PRKAA2: variants seen among roughly 807,000 people sequenced by gnomAD.
PRKAA2 encodes the protein protein kinase AMP-activated catalytic subunit alpha 2.
PRKAA2 carries 40 observed loss-of-function variants against 56.3 expected under a neutral mutation model. The ratio of observed to expected loss-of-function variants is 0.71; its 90% CI spans 0.55 to 0.92. PRKAA2 has a LOEUF of 0.92. PRKAA2 is among the 40% of genes least tolerant of loss of function. The pLI is 0.00. For missense variants in PRKAA2, 542 were observed against 686.9 expected (o/e 0.79, Z 2.36); for synonymous variants, 214 against 234.2 (o/e 0.91, Z 0.79).
intron 1 of PRKAA2, among the ~76,000 whole-genome samples, chr1:56,659,894 A>G (rs1457756331): frequency 6.6e-6 from 1 of 152,170 alleles, no homozygotes; most frequent in Non-Finnish European, 1.5e-5. Flanking sequence ...TGTGACAAAG[A>G]GAGACCCTGT....
intron 1 of PRKAA2, among the ~76,000 whole-genome samples, chr1:56,660,606 C>T (rs1431548471): frequency 3.9e-5 from 6 of 152,118 alleles, no homozygotes; most frequent in Admixed American, 3.3e-4. Context: ...TAATGCTTAT[C>T]CTCTTAAGCA....
rs981407184 is a variant in PRKAA2 at position 56,711,719 on chromosome 1, A to T, written c.*4006A>T. 6.6e-6 allele frequency: 1 copy of T among 152,172 alleles called. No homozygotes were observed. Among genetic ancestry groups the T allele is most frequent in the African/African-American group, 2.4e-5 (1 of 41,458 alleles). 9.4% of individuals were successfully genotyped at this position (152,172 alleles called of 1,614,324 possible). On this transcript the variant is annotated 3_prime_UTR_variant, in exon 9 of 9. Transcript: ENST00000371244. Reference sequence around the variant, plus strand: ...TATGTGCAATCTGTTGGTAAGTCACATCCTATGTTTGGCCTCATTTTTATA... The same window carrying T: ...TATGTGCAATCTGTTGGTAAGTCACTTCCTATGTTTGGCCTCATTTTTATA...
intron 1 of PRKAA2, among the ~76,000 whole-genome samples, chr1:56,669,971 T>C (rs181863457): frequency 3.3e-5 from 5 of 152,264 alleles, no homozygotes; most frequent in Admixed American, 3.3e-4. Flanking sequence ...AAGGCATAGT[T>C]CGGGTGAGTG....
intron 1 of PRKAA2, among the ~76,000 whole-genome samples, chr1:56,650,243 T>G (rs1277144017): frequency 6.6e-6 from 1 of 152,238 alleles, no homozygotes; most frequent in African/African-American, 2.4e-5. Context: ...ATGGAAATCT[T>G]TGTATTTGTT....
intron 2 of PRKAA2, among the ~76,000 whole-genome samples, chr1:56,680,373 T>C (rs1644144789): frequency 6.6e-6 from 1 of 152,148 alleles, no homozygotes; most frequent in South Asian, 2.1e-4. Flanking sequence ...ATTTTTTTTA[T>C]TATACTTTAA....
intron 3 of PRKAA2, among the ~76,000 whole-genome samples, chr1:56,692,013 A>G (rs1047854543): frequency 1.3e-5 from 2 of 150,854 alleles, no homozygotes; most frequent in African/African-American, 4.9e-5. Context: ...AACTCTTGTC[A>G]AATAGATGTC....
At chr1:56,699,106 G>C (rs1457687359) in intron 6 of PRKAA2, among the ~76,000 whole-genome samples, 1 of 152,154 alleles carries the variant, frequency 6.6e-6, no homozygotes, top group East Asian at 1.9e-4. Flanking sequence ...TGCCATTTAA[G>C]TAGGTCTGAA....
At position 56,645,557 on chromosome 1, in the gene PRKAA2, G is replaced by A. The variant is rs1646633318; in HGVS notation, c.94+76G>A. ...GCCGAGGGGAGAGGCGGGAGCCCCGGGCCTCCGGCGGGCGCGGGGCTCGGC... is the reference window on the plus strand; with the variant it reads ...GCCGAGGGGAGAGGCGGGAGCCCCGAGCCTCCGGCGGGCGCGGGGCTCGGC... On this transcript the variant is annotated intron_variant, in intron 1 of 8. Coordinates refer to ENST00000371244, the MANE Select transcript of PRKAA2 (RefSeq NM_006252.4). The A allele has an allele frequency of 9.8e-6, 13 of 1,324,776 alleles. No individual in the cohort carries two copies. In the South Asian group the frequency reaches 1.8e-4, roughly 19 times the overall value. The allele number at this position is 1,324,776 out of a possible 1,614,324, so 82.1% of individuals were successfully genotyped here.
At chr1:56,701,753 G>C (rs941745271) in intron 6 of PRKAA2, among the ~76,000 whole-genome samples, 6 of 152,040 alleles carry the variant, frequency 3.9e-5, no homozygotes, top group Admixed American at 6.5e-5. Flanking sequence ...AATTAGCTGG[G>C]CATGGTGGCA....
chr1:56,659,796 G>A (rs557583523), intron 1 of PRKAA2, among the ~76,000 whole-genome samples: 7 of 152,066 alleles, frequency 4.6e-5, no homozygotes, highest in African/African-American at 1.7e-4. Flanking sequence ...TAGTCCCAGC[G>A]ACTTGGGGAA....
chr1:56,695,976 T>G lies in PRKAA2; in HGVS notation c.605T>G (p.Val202Gly). ...GAAGTTGATATCTGGAGCTGTGGTG[T>G]TATCTTGTATGCTCTTCTTTGTGGC... ...GPEVDIWSCG[V>G]ILYALLCGTL... The change falls in exon 6 of 9, where the codon GTT (valine) becomes GGT (glycine). Residue 202 changes from valine (V) to glycine (G), a missense_variant. Physicochemically the swap from Val to Gly is moderately radical, Grantham distance 109. Transcript: ENST00000371244. The G allele has an allele frequency of 6.2e-7, 1 of 1,612,272 alleles. No homozygotes were observed. Among genetic ancestry groups the G allele is most frequent in the Non-Finnish European group, 8.5e-7 (1 of 1,179,700 alleles).
At chr1:56,661,001 T>C (rs1450389708) in intron 1 of PRKAA2, among the ~76,000 whole-genome samples, 1 of 152,090 alleles carries the variant, frequency 6.6e-6, no homozygotes, top group Non-Finnish European at 1.5e-5. Context: ...AGGAGCGTTG[T>C]GTTGTTTTGG....
intron 1 of PRKAA2, among the ~76,000 whole-genome samples, chr1:56,668,535 C>A (rs1342623479): frequency 3.3e-5 from 5 of 151,870 alleles, no homozygotes; most frequent in Non-Finnish European, 7.4e-5. Flanking sequence ...AATTATTATG[C>A]AGTATTTCCA....
Position 56,692,234 on chromosome 1 carries a change from A to C in PRKAA2, c.331-124A>C, listed in dbSNP as rs546580509. The C allele has an allele frequency of 5.4e-6, 6 of 1,100,988 alleles. 1 individual carries two copies. In the South Asian group the frequency reaches 5.6e-5, roughly 10 times the overall value. 68.2% of individuals were successfully genotyped at this position (1,100,988 alleles called of 1,614,324 possible). On this transcript the variant is annotated intron_variant, in intron 3 of 8. Transcript: ENST00000371244. Reference sequence around the variant, plus strand: ...TTTAGTAGAGATGGAGTTTCACCTTATTGGTCAGGCTGGTCTCAAACTCCT... The same window carrying C: ...TTTAGTAGAGATGGAGTTTCACCTTCTTGGTCAGGCTGGTCTCAAACTCCT...
At chr1:56,652,048 C>G (rs961589671) in intron 1 of PRKAA2, among the ~76,000 whole-genome samples, 4 of 137,860 alleles carry the variant, frequency 2.9e-5, no homozygotes, top group Non-Finnish European at 6.1e-5. Flanking sequence ...GAATCTTGCT[C>G]TGTCACCAGT....
rs959716552 is a variant in PRKAA2 at position 56,709,168 on chromosome 1, T to C, written c.*1455T>C. The C allele has an allele frequency of 6.6e-6, 1 of 152,164 alleles. No individual in the cohort carries two copies. The highest frequency in any genetic ancestry group is 2.4e-5 in the African/African-American group (1 of 41,452). 9.4% of individuals were successfully genotyped at this position (152,164 alleles called of 1,614,324 possible). ...AATTAAGCTCTTGAAAACAAAAAAA[T>C]GACATTACCTTGACAGGCTTCTCTT... On this transcript the variant is annotated 3_prime_UTR_variant, in exon 9 of 9. Coordinates refer to ENST00000371244, the MANE Select transcript of PRKAA2 (RefSeq NM_006252.4).
chr1:56,656,735 G>A (rs551103064), intron 1 of PRKAA2, among the ~76,000 whole-genome samples: 1 of 152,276 alleles, frequency 6.6e-6, no homozygotes, highest in South Asian at 2.1e-4. Context: ...GTGATGAGGA[G>A]GCATGGAAGT....
At chr1:56,677,856 C>G (rs1399630656) in intron 2 of PRKAA2, among the ~76,000 whole-genome samples, 1 of 152,012 alleles carries the variant, frequency 6.6e-6, no homozygotes, top group Non-Finnish European at 1.5e-5. Context: ...GGCTTTCCGC[C>G]ATTTTGCCAG....
Position 56,667,314 on chromosome 1 carries a change from T to G in PRKAA2, c.95-7067T>G, listed in dbSNP as rs1644043427. On this transcript the variant is annotated intron_variant, in intron 1 of 8. Transcript: ENST00000371244. ...TTAAAGGTCTGGCCTTCAGACTGTT[T>G]AGGGTCGTGAGGGGAACATTGTAAC... Among the ~76,000 whole-genome samples the G allele has an allele frequency of 3.9e-5, 6 of 152,122 alleles. No homozygotes were observed. In the South Asian group the frequency reaches 1.2e-3, roughly 32 times the overall value.
Sources: gnomAD v4.1 joint callset for allele counts (sites outside exome capture counted in the v4.1 genomes callset) on GRCh38, gnomAD v4.1.1 for gene constraint, MANE v1.5 for transcripts, NCBI Gene and HGNC (gene_info 2026-07-23, HGNC 2026-07-21) for gene names.